TMEM91: variants seen among roughly 807,000 people sequenced by gnomAD.
TMEM91 encodes transmembrane protein 91, also known as dispanin subfamily C member 3.
Under a neutral mutation model 13.3 loss-of-function variants are expected in TMEM91, and 6 were observed. That is an observed-to-expected ratio of 0.45 (90% CI 0.25 to 0.89). The LOEUF is 0.89. Among genes scored for constraint, TMEM91 ranks in the 40% least tolerant of loss-of-function variants. TMEM91 has a pLI of 0.19. For synonymous variants in TMEM91, 87 were observed against 101.7 expected, an observed-to-expected ratio of 0.86 and a Z score of 0.87; for missense variants, 193 against 228.7, an observed-to-expected ratio of 0.84 and a Z score of 1.01.
chr19:41,368,433 G>T lies in TMEM91; in HGVS notation c.-30+4338G>T, dbSNP rs556605176. Reference sequence around the variant, plus strand: ...ACCTGTCACCTTTTTTTTGGGGGGGGTGGTTATTGGGTTTTTTTGAGACAG... The same window carrying T: ...ACCTGTCACCTTTTTTTTGGGGGGGTTGGTTATTGGGTTTTTTTGAGACAG... On this transcript the variant is annotated intron_variant, in intron 1 of 3. Coordinates refer to the TMEM91 transcript ENST00000413014. Among the ~76,000 whole-genome samples the T allele has an allele frequency of 2.6e-4, 35 of 136,628 alleles. 2 individuals are homozygous for T. Among genetic ancestry groups the T allele is most frequent in the African/African-American group, 1.1e-3 (35 of 30,930 alleles). 89.6% of individuals were successfully genotyped at this position (136,628 alleles called of 152,430 possible).
upstream of TMEM91, chr19:41,374,165 T>G (rs2059169803): frequency 6.6e-6 from 1 of 152,170 alleles, no homozygotes; most frequent in Non-Finnish European, 1.5e-5. Flanking sequence ...CCATCTGTTC[T>G]CCCTGGGAGT....
intron 2 of TMEM91, among the ~76,000 whole-genome samples, chr19:41,381,278 A>G (rs1019060768): frequency 2.0e-5 from 3 of 151,548 alleles, no homozygotes; most frequent in African/African-American, 7.3e-5. Flanking sequence ...GGAGTCTCAA[A>G]CTGCTGGGCT....
At chr19:41,381,554 C>T (rs928913126) in intron 2 of TMEM91, among the ~76,000 whole-genome samples, 3 of 151,954 alleles carry the variant, frequency 2.0e-5, no homozygotes, top group South Asian at 4.2e-4. Context: ...TTAGTAGAGA[C>T]GAGGTTTCAC....
At chr19:41,370,887 G>C (rs2038605236) in intron 1 of TMEM91, among the ~76,000 whole-genome samples, 1 of 150,248 alleles carries the variant, frequency 6.7e-6, no homozygotes, top group Admixed American at 6.7e-5. Context: ...ATTTTTAGTA[G>C]AGACAGGGTT....
chr19:41,370,134 A>G (rs948561396), intron 1 of TMEM91, among the ~76,000 whole-genome samples: 12 of 151,464 alleles, frequency 7.9e-5, no homozygotes, highest in African/African-American at 2.7e-4. Context: ...CTGGAGTGCA[A>G]TGGCATGATC....
chr19:41,372,025 A>C (rs893504201), upstream of TMEM91, among the ~76,000 whole-genome samples: 4 of 133,106 alleles, frequency 3.0e-5, no homozygotes, highest in Non-Finnish European at 4.7e-5. Context: ...TGCTCGGCTA[A>C]TTTTTTTTTA....
At chr19:41,369,818 A>C (rs2038586390) in intron 1 of TMEM91, among the ~76,000 whole-genome samples, 1 of 152,076 alleles carries the variant, frequency 6.6e-6, no homozygotes, top group African/African-American at 2.4e-5. Context: ...AAAATAAATA[A>C]ATAAAAATAA....
chr19:41,375,573 C>T (rs2038701434), upstream of TMEM91, among the ~76,000 whole-genome samples: 1 of 150,574 alleles, frequency 6.6e-6, no homozygotes, highest in African/African-American at 2.4e-5. Flanking sequence ...CCACTGCGCC[C>T]GGCCCGTGAG....
intron 1 of TMEM91, among the ~76,000 whole-genome samples, chr19:41,378,062 G>A (rs1391988466): frequency 2.7e-5 from 4 of 150,300 alleles, no homozygotes; most frequent in Admixed American, 1.3e-4. Context: ...AAGAGAGAGA[G>A]AGAGAAATGC....
upstream of TMEM91, chr19:41,364,023 T>C (rs2038466023): frequency 5.6e-6 from 1 of 180,142 alleles, no homozygotes; most frequent in Admixed American, 5.5e-5. Context: ...TGGGCTTGAC[T>C]GCTTCTTTTC....
upstream of TMEM91, chr19:41,376,074 C>A (rs1390573464): frequency 3.3e-5 from 5 of 151,970 alleles, no homozygotes; most frequent in Non-Finnish European, 7.3e-5. Flanking sequence ...GAGCCGAGAT[C>A]ACTCCACTGC....
In TMEM91 at chr19:41,383,822, G is replaced by A. The variant is rs758607955; in HGVS notation, c.468G>A (p.Ala156=). Residue 156 remains alanine, a synonymous_variant, in exon 4 of 4, where the codon GCG becomes GCA. Transcript: ENST00000392002. ...TCGGGCTGGGCGTGTGCACGTATGC[G>A]GCTGCCCTGGTGACCCTGGCTGCCT... ...LAVGLGVCTY[A]AALVTLAAYL... 11 of 1,610,124 alleles carry A rather than the reference G, an allele frequency of 6.8e-6. No individual in the cohort carries two copies. Among genetic ancestry groups the A allele is most frequent in the South Asian group, 3.3e-5 (3 of 90,494 alleles).
At chr19:41,382,206 G>A (rs779223672) in intron 2 of TMEM91, among the ~76,000 whole-genome samples, 73 of 152,258 alleles carry the variant, frequency 4.8e-4, no homozygotes, top group Non-Finnish European at 3.1e-4. Flanking sequence ...AGCAATTGTA[G>A]CGTCCATGAT....
chr19:41,379,699 A>G (rs1568492887), intron 2 of TMEM91, among the ~76,000 whole-genome samples: 1 of 151,970 alleles, frequency 6.6e-6, no homozygotes. Context: ...GAAAGCAGAA[A>G]GAAAGGAAGG....
chr19:41,368,546 A>T (rs951955477), intron 1 of TMEM91, among the ~76,000 whole-genome samples: 2 of 151,584 alleles, frequency 1.3e-5, no homozygotes, highest in African/African-American at 2.4e-5. Flanking sequence ...AGTAGCTGGG[A>T]TTACAGGCAT....
At chr19:41,375,718 C>T (rs1167781135), upstream of TMEM91, among the ~76,000 whole-genome samples, 2 of 151,972 alleles carry the variant, frequency 1.3e-5, no homozygotes, top group South Asian at 2.1e-4. Context: ...CTTTGGGAGG[C>T]CGAGGCTGCA....
intron 1 of TMEM91, among the ~76,000 whole-genome samples, chr19:41,370,014 C>G (rs73047219): frequency 0.084 from 12,832 of 152,152 alleles, 661 homozygotes; most frequent in African/African-American, 0.14. Flanking sequence ...CCCTATTCCC[C>G]CCTCTTCTGC....
chr19:41,382,453 A>C (rs2038909802), intron 2 of TMEM91, among the ~76,000 whole-genome samples: 1 of 152,082 alleles, frequency 6.6e-6, no homozygotes, highest in African/African-American at 2.4e-5. Context: ...GTGAAACCCC[A>C]TCTCTACTAA....
rs527823144 is a variant in TMEM91, at chr19:41,367,927, C to T, written c.-30+3832C>T. ...GTTACAGATGTGAGGCCACAACACC[C>T]GGCCTAGGAGTAATGTTCTGAGGTG... On this transcript the variant is annotated intron_variant, in intron 1 of 3. Coordinates refer to the TMEM91 transcript ENST00000413014. Among the ~76,000 whole-genome samples the T allele has an allele frequency of 2.6e-4, 40 of 152,182 alleles. 1 individual carries two copies. Among genetic ancestry groups the T allele is most frequent in the African/African-American group, 9.1e-4 (38 of 41,534 alleles).
Sources: gnomAD v4.1 joint callset for allele counts (sites outside exome capture counted in the v4.1 genomes callset) on GRCh38, gnomAD v4.1.1 for gene constraint, MANE v1.5 for transcripts, NCBI Gene and HGNC (gene_info 2026-07-23, HGNC 2026-07-21) for gene names.